Variants in DUSP22 observed in about 807,000 individuals in gnomAD.
DUSP22 encodes dual specificity protein phosphatase 22.
A neutral mutation model predicts 24.5 loss-of-function variants in DUSP22; 24 were observed. The ratio of observed to expected loss-of-function variants is 0.98; its 90% CI spans 0.71 to 1.38. The LOEUF is 1.38. DUSP22 is among the 40% of genes most tolerant of loss of function. The probability of loss-of-function intolerance (pLI) is 0.00; values close to 1 mark genes in which losing one functional copy is unlikely to be tolerated. For synonymous variants in DUSP22, 160 were observed against 106.4 expected, an observed-to-expected ratio of 1.50 and a Z score of -3.10; for missense variants, 330 against 269.2, an observed-to-expected ratio of 1.23 and a Z score of -1.58.
intron 5 of DUSP22, among the ~76,000 whole-genome samples, chr6:347,703 G>A (rs894033296): frequency 3.9e-5 from 6 of 152,306 alleles, no homozygotes; most frequent in Non-Finnish European, 8.8e-5. Context: ...GGAACATGAA[G>A]CATTCTAAAC....
At chr6:293,531 T>A (rs1267926626) in intron 1 of DUSP22, among the ~76,000 whole-genome samples, 1 of 152,284 alleles carries the variant, frequency 6.6e-6, no homozygotes, top group African/African-American at 2.4e-5. Flanking sequence ...CATCTCTACA[T>A]GCCGTCAGCT....
chr6:314,590 G>A (rs988526721), intron 3 of DUSP22, among the ~76,000 whole-genome samples: 11 of 152,310 alleles, frequency 7.2e-5, no homozygotes, highest in African/African-American at 2.4e-4. Context: ...ATTGTTGGAT[G>A]TGGCCATGCA....
At chr6:299,364 C>G (rs1430581335) in intron 1 of DUSP22, among the ~76,000 whole-genome samples, 1 of 152,306 alleles carries the variant, frequency 6.6e-6, no homozygotes. Flanking sequence ...TCTCTGTATT[C>G]AGGGATTACC....
At chr6:340,385 G>T (rs746901546) in intron 4 of DUSP22, among the ~76,000 whole-genome samples, 1 of 152,306 alleles carries the variant, frequency 6.6e-6, no homozygotes, top group East Asian at 1.9e-4. Context: ...GCTGGAAAGC[G>T]TGCTGGGGCA....
At chr6:311,658 C>T (rs1013808068) in intron 2 of DUSP22, among the ~76,000 whole-genome samples, 9 of 151,712 alleles carry the variant, frequency 5.9e-5, no homozygotes, top group South Asian at 2.1e-4. Context: ...CCAGCCTGGG[C>T]GACAGAGTGA....
At chr6:330,744 TCTC>T (rs1354551006) in intron 3 of DUSP22, among the ~76,000 whole-genome samples, 5 of 152,304 alleles carry the variant, frequency 3.3e-5, no homozygotes, top group Non-Finnish European at 5.9e-5. Flanking sequence ...TGAACTTTCT[TCTC>T]CTCCAAGTGA....
intron 1 of DUSP22, among the ~76,000 whole-genome samples, chr6:298,904 C>A (rs1390061630): frequency 6.7e-6 from 1 of 148,742 alleles, no homozygotes; most frequent in African/African-American, 2.5e-5. Flanking sequence ...ATGAATACAG[C>A]CATTTAGTCA....
intron 3 of DUSP22, among the ~76,000 whole-genome samples, chr6:323,617 T>G (rs1053879817): frequency 6.6e-6 from 1 of 152,304 alleles, no homozygotes; most frequent in Non-Finnish European, 1.5e-5. Flanking sequence ...CGCGGGGAAG[T>G]GGCTCTTAGG....
chr6:349,103 C>A lies in DUSP22; in HGVS notation c.*152C>A. 6.9e-7 allele frequency: 1 copy of A among 1,455,154 alleles called. No homozygotes were observed. 90.1% of individuals were successfully genotyped at this position (1,455,154 alleles called of 1,614,324 possible). A position where few individuals can be genotyped will look rare whatever the true frequency, so the allele number is the denominator to read the frequency against. ...CCTTCCCCCAAGCAACACCGCCCAG[C>A]CCTGCTCCAGGCCCCTGCACTCCGC... On this transcript the variant is annotated 3_prime_UTR_variant, in exon 7 of 7. Coordinates refer to ENST00000419235, the MANE Select transcript of DUSP22 (RefSeq NM_001286555.3).
intron 3 of DUSP22, among the ~76,000 whole-genome samples, chr6:328,403 G>A (rs1758984149): frequency 6.6e-6 from 1 of 152,306 alleles, no homozygotes; most frequent in Admixed American, 6.5e-5. Context: ...GCCTTGCACT[G>A]AAATATCTTG....
intron 3 of DUSP22, among the ~76,000 whole-genome samples, chr6:331,643 C>T (rs956980600): frequency 6.6e-6 from 1 of 152,310 alleles, no homozygotes; most frequent in African/African-American, 2.4e-5. Flanking sequence ...TTTCTTGTGG[C>T]ACTGGGGGAC....
At chr6:295,751 G>A (rs2797316) in intron 1 of DUSP22, among the ~76,000 whole-genome samples, 32,401 of 145,720 alleles carry the variant, frequency 0.22, 1,035 homozygotes, top group East Asian at 0.34. Flanking sequence ...AGCGAGTCGT[G>A]ATTGTGCCAC....
intron 4 of DUSP22, among the ~76,000 whole-genome samples, chr6:342,348 G>A (rs969100180): frequency 3.9e-5 from 6 of 152,302 alleles, no homozygotes; most frequent in South Asian, 2.1e-4. Context: ...CAGGGACAGC[G>A]TCTTGGCACC....
intron 3 of DUSP22, among the ~76,000 whole-genome samples, chr6:314,749 C>T (rs1349319712): frequency 6.6e-6 from 1 of 152,308 alleles, no homozygotes; most frequent in Non-Finnish European, 1.5e-5. Flanking sequence ...TGATGTGCCT[C>T]CTACTGAGAC....
chr6:329,918 CTT>C (rs111238311), intron 3 of DUSP22, among the ~76,000 whole-genome samples: 78 of 149,176 alleles, frequency 5.2e-4, no homozygotes, highest in Non-Finnish European at 1.1e-3. Flanking sequence ...GCTTTTAATT[CTT>C]TTTTTTTTTT....
At chr6:302,679 C>A (rs1437077558) in intron 1 of DUSP22, among the ~76,000 whole-genome samples, 1 of 152,306 alleles carries the variant, frequency 6.6e-6, no homozygotes, top group African/African-American at 2.4e-5. Flanking sequence ...GATAAACATG[C>A]TTATAGTCTA....
intron 1 of DUSP22, among the ~76,000 whole-genome samples, chr6:296,500 A>G (rs1489207151): frequency 6.6e-6 from 1 of 152,304 alleles, no homozygotes; most frequent in Admixed American, 6.5e-5. Flanking sequence ...CTCTGGTAAG[A>G]TTAGGGTTAA....
At chr6:303,326 C>T (rs1228681777) in intron 1 of DUSP22, among the ~76,000 whole-genome samples, 2 of 152,298 alleles carry the variant, frequency 1.3e-5, no homozygotes, top group Non-Finnish European at 2.9e-5. Flanking sequence ...TGGACTGTCC[C>T]AGTTTGGCCG....
chr6:293,433 A>C (rs1271406651), intron 1 of DUSP22, among the ~76,000 whole-genome samples: 4 of 152,302 alleles, frequency 2.6e-5, no homozygotes, highest in African/African-American at 9.6e-5. Flanking sequence ...CGCAACAAAG[A>C]CAAGTACCTT....
Sources: gnomAD v4.1 joint callset for allele counts (sites outside exome capture counted in the v4.1 genomes callset) on GRCh38, gnomAD v4.1.1 for gene constraint, MANE v1.5 for transcripts, NCBI Gene and HGNC (gene_info 2026-07-23, HGNC 2026-07-21) for gene names.